The following ROBO1 variants were observed in gnomAD, a reference collection of about 807,000 sequenced individuals.
ROBO1 encodes roundabout homolog 1.
A neutral mutation model predicts 195.9 loss-of-function variants in ROBO1; 149 were observed. The observed-to-expected ratio is 0.76, with a 90% CI of 0.67 to 0.87. ROBO1 has a LOEUF of 0.87. Among genes scored for constraint, ROBO1 ranks in the 40% least tolerant of loss-of-function variants. The pLI, the probability that ROBO1 is intolerant of heterozygous loss-of-function variation, is 0.00. For synonymous variants in ROBO1, 816 were observed against 733.2 expected (o/e 1.11, Z -1.82); for missense variants, 1,933 against 2,068.3 (o/e 0.93, Z 1.27).
intron 1 of ROBO1, among the ~76,000 whole-genome samples, chr3:79,624,174 C>T (rs1302616603): frequency 6.6e-6 from 1 of 152,030 alleles, no homozygotes; most frequent in Admixed American, 6.6e-5. Flanking sequence ...ACCAGGCCTA[C>T]CATGCAAGAG....
intron 1 of ROBO1, among the ~76,000 whole-genome samples, chr3:79,682,499 C>A (rs1468709966): frequency 3.3e-5 from 5 of 151,994 alleles, no homozygotes; most frequent in African/African-American, 1.2e-4. Context: ...CTCCTAAAAT[C>A]ATATATCAGA....
chr3:79,431,826 T>G (rs1328570433), intron 2 of ROBO1, among the ~76,000 whole-genome samples: 2 of 152,118 alleles, frequency 1.3e-5, no homozygotes, highest in Non-Finnish European at 2.9e-5. Flanking sequence ...TCTGAATCCT[T>G]TATAAATGAG....
intron 3 of ROBO1, among the ~76,000 whole-genome samples, chr3:79,116,707 G>A (rs186376636): frequency 1.2e-4 from 18 of 151,646 alleles, no homozygotes; most frequent in Admixed American, 3.3e-4. Flanking sequence ...TAGTAGAGAC[G>A]GGGCTTCACC....
intron 2 of ROBO1, among the ~76,000 whole-genome samples, chr3:79,419,008 CTACACG>C (rs1458533434): frequency 6.6e-6 from 1 of 152,068 alleles, no homozygotes; most frequent in African/African-American, 2.4e-5. Context: ...GGAAAAAGAC[CTACACG>C]TGCATTTGCA....
intron 2 of ROBO1, among the ~76,000 whole-genome samples, chr3:79,532,165 C>T (rs1941687506): frequency 6.6e-6 from 1 of 152,128 alleles, no homozygotes; most frequent in Non-Finnish European, 1.5e-5. Context: ...ACATGTTGAA[C>T]ATTTTTCAGG....
At chr3:79,260,324 C>T (rs543527470) in intron 2 of ROBO1, among the ~76,000 whole-genome samples, 6 of 151,744 alleles carry the variant, frequency 4.0e-5, no homozygotes, top group Non-Finnish European at 7.4e-5. Context: ...AATCACTCTC[C>T]TAAGAGATAA....
At chr3:79,439,132 A>T (rs1359909903) in intron 2 of ROBO1, among the ~76,000 whole-genome samples, 1 of 152,088 alleles carries the variant, frequency 6.6e-6, no homozygotes, top group African/African-American at 2.4e-5. Context: ...ATAATATTTC[A>T]TCAATACTAA....
intron 2 of ROBO1, among the ~76,000 whole-genome samples, chr3:79,444,574 A>C (rs1484128227): frequency 6.6e-6 from 1 of 152,150 alleles, no homozygotes; most frequent in Non-Finnish European, 1.5e-5. Flanking sequence ...GAACATTCAT[A>C]TGTCCTACAA....
At position 79,048,662 on chromosome 3, in the gene ROBO1, G is replaced by A. The variant is rs181717799; in HGVS notation, c.172+76794C>T. Among the ~76,000 whole-genome samples, 565 of 152,080 alleles carry A rather than the reference G, an allele frequency of 3.7e-3. 1 individual carries two copies. Among genetic ancestry groups the A allele is most frequent in the Admixed American group, 7.6e-3 (116 of 15,270 alleles). ...TGCATTCCTCTCTCCTCATAGCTCC[G>A]CAATCTCTTCCCTCTATTGTCACAC... On this transcript the variant is annotated intron_variant, in intron 3 of 30. Coordinates refer to ENST00000464233, the MANE Select transcript of ROBO1 (RefSeq NM_002941.4).
chr3:79,728,610 C>A (rs1427274606), intron 1 of ROBO1, among the ~76,000 whole-genome samples: 2 of 151,986 alleles, frequency 1.3e-5, no homozygotes, highest in East Asian at 1.9e-4. Context: ...AAGATATATA[C>A]CTTTTAAACA....
chr3:78,688,626 A>G, intron 9 of ROBO1, 22 bp downstream of exon 9: 1 of 1,550,336 alleles, frequency 6.5e-7, no homozygotes. Flanking sequence ...TTTAAAAAAA[A>G]AAAGTTAGAA....
chr3:79,448,876 T>C (rs1369090295), intron 2 of ROBO1, among the ~76,000 whole-genome samples: 1 of 152,192 alleles, frequency 6.6e-6, no homozygotes, highest in African/African-American at 2.4e-5. Flanking sequence ...ACCTCCATTA[T>C]TGGTTGTTTT....
chr3:78,621,329 A>G (rs62260382), intron 26 of ROBO1, among the ~76,000 whole-genome samples: 9,353 of 152,270 alleles, frequency 0.061, 317 homozygotes, highest in African/African-American at 0.09. Context: ...TCCTTCTTAA[A>G]GACATGTAAG....
intron 2 of ROBO1, among the ~76,000 whole-genome samples, chr3:79,428,619 C>A (rs899435996): frequency 6.6e-6 from 1 of 152,068 alleles, no homozygotes; most frequent in African/African-American, 2.4e-5. Context: ...CTCAGCAATT[C>A]TGCTCTTAGA....
intron 2 of ROBO1, among the ~76,000 whole-genome samples, chr3:79,142,460 A>G (rs1241655646): frequency 1.3e-5 from 2 of 152,138 alleles, no homozygotes; most frequent in Non-Finnish European, 2.9e-5. Context: ...AAGATACTGC[A>G]CCAACTAATT....
At chr3:79,168,076 T>C (rs2081099882) in intron 2 of ROBO1, among the ~76,000 whole-genome samples, 1 of 152,204 alleles carries the variant, frequency 6.6e-6, no homozygotes, top group Non-Finnish European at 1.5e-5. Context: ...TATACTTTAA[T>C]ATAGATTCAG....
intron 2 of ROBO1, among the ~76,000 whole-genome samples, chr3:79,413,470 G>A (rs2037865765): frequency 1.3e-5 from 2 of 152,030 alleles, no homozygotes; most frequent in Non-Finnish European, 2.9e-5. Flanking sequence ...GGAGATTGTG[G>A]TCAGGTGTGG....
At chr3:79,708,853 C>T (rs1259459857) in intron 1 of ROBO1, among the ~76,000 whole-genome samples, 3 of 152,148 alleles carry the variant, frequency 2.0e-5, no homozygotes, top group East Asian at 1.9e-4. Flanking sequence ...GGCAACAGAG[C>T]GAGTCCTTGT....
At chr3:78,950,851 C>A (rs928555885) in intron 3 of ROBO1, among the ~76,000 whole-genome samples, 6 of 151,810 alleles carry the variant, frequency 4.0e-5, no homozygotes, top group African/African-American at 1.5e-4. Flanking sequence ...ATGTACTGTG[C>A]CATCTTCTCC....
Sources: allele counts gnomAD v4.1 joint callset (sites outside exome capture counted in the v4.1 genomes callset), GRCh38; gene constraint gnomAD v4.1.1; transcripts MANE v1.5; gene names NCBI Gene and HGNC (gene_info 2026-07-23, HGNC 2026-07-21).